The following ITGA11 variants were observed in gnomAD, a reference collection of about 807,000 sequenced individuals.
ITGA11 encodes integrin alpha-11.
A neutral mutation model predicts 141.9 loss-of-function variants in ITGA11; 97 were observed. That is an observed-to-expected ratio of 0.68 (90% confidence interval 0.58 to 0.81). ITGA11 has a LOEUF of 0.81. ITGA11 is among the 30% of genes least tolerant of loss of function. The pLI, the probability that ITGA11 is intolerant of heterozygous loss-of-function variation, is 0.00. For missense variants in ITGA11, 1,387 were observed against 1,559.2 expected (o/e 0.89, Z 1.86); for synonymous variants, 658 against 624.6 (o/e 1.05, Z -0.80).
At chr15:68,346,184 G>T (rs909272919) in intron 10 of ITGA11, among the ~76,000 whole-genome samples, 1 of 152,140 alleles carries the variant, frequency 6.6e-6, no homozygotes, top group Admixed American at 6.5e-5. Context: ...GAGAAGTTGA[G>T]CATATGTGGA....
rs1035948796 is a variant in ITGA11, at chr15:68,304,798, C to G, written c.3382-913G>C. On this transcript the variant is annotated intron_variant, in intron 28 of 29. Transcript: ENST00000315757. This position sits in a 1 kb window ranked among gnomAD's most constrained non-coding sequence, Gnocchi z 6.1. Reference sequence around the variant, plus strand: ...CTCAGGCCAGAAGCCATGTATCCATCACTGACCCTAACTCTCACACCCACA... The same window carrying G: ...CTCAGGCCAGAAGCCATGTATCCATGACTGACCCTAACTCTCACACCCACA... Among the ~76,000 whole-genome samples, 4 of 152,224 alleles carry G rather than the reference C, an allele frequency of 2.6e-5. No individual in the cohort carries two copies. Among genetic ancestry groups the G allele is most frequent in the African/African-American group, 9.7e-5 (4 of 41,448 alleles).
intron 3 of ITGA11, among the ~76,000 whole-genome samples, chr15:68,367,202 C>G (rs1895449732): frequency 6.6e-6 from 1 of 152,148 alleles, no homozygotes; most frequent in Non-Finnish European, 1.5e-5. Flanking sequence ...ATGTCTCCTC[C>G]TCCCTCTGGA....
rs765571680 is a variant in ITGA11 at position 68,302,985 on chromosome 15, G to A, written c.*74C>T. 252 of 1,256,120 alleles carry A rather than the reference G, an allele frequency of 2.0e-4. No homozygotes were observed. Among genetic ancestry groups the A allele is most frequent in the Non-Finnish European group, 2.7e-4 (245 of 901,400 alleles). The allele number at this position is 1,256,120 out of a possible 1,614,324, so 77.8% of individuals were successfully genotyped here. ...TTCCTCTCCGCTCCAGCTCGGTGGG[G>A]CCACAGGCCTGGGTCTCAACACTAC... On this transcript the variant is annotated 3_prime_UTR_variant, in exon 30 of 30. Coordinates refer to ENST00000315757, the MANE Select transcript of ITGA11 (RefSeq NM_001004439.2).
rs2140294086 is a variant in ITGA11, at chr15:68,324,890, A to T, written c.2322+241T>A. ...GCTCCCCTGTGCTGGGGATACGGGGAAACTTGAACAGGAGAAGGCCTGGGC... is the reference window on the plus strand; with the variant it reads ...GCTCCCCTGTGCTGGGGATACGGGGTAACTTGAACAGGAGAAGGCCTGGGC... On this transcript the variant is annotated intron_variant, in intron 18 of 29. Coordinates refer to ENST00000315757, the MANE Select transcript of ITGA11 (RefSeq NM_001004439.2). This position sits in a 1 kb window ranked among gnomAD's most constrained non-coding sequence, Gnocchi z 6.3. Among the ~76,000 whole-genome samples, 1 of 152,112 alleles carries T rather than the reference A, an allele frequency of 6.6e-6. No homozygotes were observed. Among genetic ancestry groups the T allele is most frequent in the East Asian group, 1.9e-4 (1 of 5,150 alleles).
At chr15:68,319,039 T>G (rs16951767) in intron 20 of ITGA11, among the ~76,000 whole-genome samples, 17 of 152,194 alleles carry the variant, frequency 1.1e-4, no homozygotes, top group Non-Finnish European at 1.9e-4. Flanking sequence ...CTGATGTTTC[T>G]TCAGAGCACA....
At chr15:68,344,031 G>A (rs1394829682) in intron 10 of ITGA11, among the ~76,000 whole-genome samples, 1 of 152,166 alleles carries the variant, frequency 6.6e-6, no homozygotes, top group Non-Finnish European at 1.5e-5. Context: ...AGAGTTGGTT[G>A]CCTCCTGTCA....
chr15:68,404,895 G>C (rs1331978207), intron 1 of ITGA11, among the ~76,000 whole-genome samples: 1 of 152,148 alleles, frequency 6.6e-6, no homozygotes, highest in Non-Finnish European at 1.5e-5. Context: ...TAGTTTCAAA[G>C]ACCATTCACA....
chr15:68,313,838 T>C lies in ITGA11; in HGVS notation c.2823A>G (p.Glu941=), dbSNP rs780376487. The change falls in exon 23 of 30, where the codon GAA becomes GAG. Residue 941 remains glutamate, a synonymous_variant. Coordinates refer to ENST00000315757, the MANE Select transcript of ITGA11 (RefSeq NM_001004439.2). ...SDSNERDSTK[E]DNVAPLRFHL... is the part of the protein sequence containing the mutation. ...GGAAGCGTAAGGGGGCCACGTTGTC[T>C]TCCTTGGTGCTGTCCCGCTCATTAC... 1 of 1,613,994 alleles carries C rather than the reference T, an allele frequency of 6.2e-7. No homozygotes were observed. Among genetic ancestry groups the C allele is most frequent in the Non-Finnish European group, 8.5e-7 (1 of 1,179,860 alleles).
At chr15:68,385,365 C>T (rs1895960471) in intron 2 of ITGA11, among the ~76,000 whole-genome samples, 1 of 152,186 alleles carries the variant, frequency 6.6e-6, no homozygotes. Flanking sequence ...GCTGGGAAAC[C>T]TCTGGGTTGG....
intron 1 of ITGA11, among the ~76,000 whole-genome samples, chr15:68,424,809 A>G (rs1897102526): frequency 6.6e-6 from 1 of 152,248 alleles, no homozygotes; most frequent in Admixed American, 6.5e-5. Flanking sequence ...CCAGAGCCCA[A>G]TGTTGAAGAT....
chr15:68,352,100 C>CAAACAAACAAACAAA (rs1567140805), intron 7 of ITGA11, among the ~76,000 whole-genome samples: 1 of 38,154 alleles, frequency 2.6e-5, no homozygotes, highest in African/African-American at 8.8e-5. Context: ...AAACAAACAA[C>CAAACAAACAAACAAA]CAAACAAACA....
intron 3 of ITGA11, among the ~76,000 whole-genome samples, chr15:68,365,794 G>A (rs1895404272): frequency 6.6e-6 from 1 of 151,692 alleles, no homozygotes; most frequent in Admixed American, 6.6e-5. Context: ...AGAGTGGAGT[G>A]GCACCATCGT....
chr15:68,372,638 C>G (rs1379255241), intron 2 of ITGA11, among the ~76,000 whole-genome samples: 3 of 152,208 alleles, frequency 2.0e-5, no homozygotes, highest in African/African-American at 7.2e-5. Flanking sequence ...AGGGCCTTGC[C>G]AAGAGAGGAT....
At chr15:68,345,411 C>T (rs1894711893) in intron 10 of ITGA11, among the ~76,000 whole-genome samples, 1 of 152,190 alleles carries the variant, frequency 6.6e-6, no homozygotes, top group African/African-American at 2.4e-5. Flanking sequence ...GGGCCCTGGA[C>T]TCTGTGGGTG....
At chr15:68,351,485 C>T in intron 7 of ITGA11, 83 bp from the exon 8 acceptor site, 1 of 1,494,884 alleles carries the variant, frequency 6.7e-7, no homozygotes, top group Non-Finnish European at 9.0e-7. Flanking sequence ...GGGGCAGCCA[C>T]AGAAACCAGG....
intron 12 of ITGA11, among the ~76,000 whole-genome samples, chr15:68,334,686 G>T (rs987901462): frequency 1.3e-5 from 2 of 152,216 alleles, no homozygotes; most frequent in African/African-American, 4.8e-5. Flanking sequence ...TGTGGCCTCA[G>T]CTATGTGGGT....
chr15:68,419,326 A>G (rs1396842612), intron 1 of ITGA11, among the ~76,000 whole-genome samples: 9 of 152,360 alleles, frequency 5.9e-5, no homozygotes, highest in African/African-American at 1.9e-4. Flanking sequence ...TCATGACTCC[A>G]TCTGCCTTTG....
At chr15:68,318,328 A>G (rs1893665406) in intron 20 of ITGA11, among the ~76,000 whole-genome samples, 1 of 152,184 alleles carries the variant, frequency 6.6e-6, no homozygotes, top group East Asian at 1.9e-4. Flanking sequence ...CCCCAGGATT[A>G]GGAGCAAGCA....
At chr15:68,364,072 A>T (rs950137117) in intron 4 of ITGA11, among the ~76,000 whole-genome samples, 1 of 152,214 alleles carries the variant, frequency 6.6e-6, no homozygotes, top group Non-Finnish European at 1.5e-5. Flanking sequence ...TCATTGTTTA[A>T]ATGAATGAAT....
Sources: allele counts gnomAD v4.1 joint callset (sites outside exome capture counted in the v4.1 genomes callset), GRCh38; gene constraint gnomAD v4.1.1; non-coding constraint Gnocchi (gnomAD v3.1); transcripts MANE v1.5; gene names NCBI Gene and HGNC (gene_info 2026-07-23, HGNC 2026-07-21).